Variants in TPP2 observed in about 807,000 individuals in gnomAD.
The protein encoded by TPP2 is tripeptidyl-peptidase 2.
TPP2 carries 34 observed loss-of-function variants against 155.9 expected under a neutral mutation model. The observed-to-expected ratio is 0.22, with a 90% CI of 0.17 to 0.29. TPP2 has a LOEUF of 0.29. Among genes scored for constraint, TPP2 ranks in the 10% least tolerant of loss-of-function variants. The pLI is 1.00. For missense variants in TPP2, 1,028 were observed against 1,522.3 expected, an observed-to-expected ratio of 0.68 and a Z score of 5.40; for synonymous variants, 510 against 529.4, an observed-to-expected ratio of 0.96 and a Z score of 0.50.
Position 102,652,446 on chromosome 13 carries a change from ATATATAT to A in TPP2, c.2991+1050_2991+1056del, listed in dbSNP as rs1566359238. ...TATATATATATATATATATATATAT[ATATATAT>A]AAAAGGGACCACATATTTAATAAGC... On this transcript the variant is annotated intron_variant, in intron 24 of 29. Transcript: ENST00000376052. Among the ~76,000 whole-genome samples, 460 of 51,330 alleles carry A rather than the reference ATATATAT, an allele frequency of 9.0e-3. 5 individuals carry two copies. Among genetic ancestry groups the A allele is most frequent in the Non-Finnish European group, 0.013 (369 of 27,724 alleles). The allele number at this position is 51,330 out of a possible 152,430, so 33.7% of individuals were successfully genotyped here.
chr13:102,638,278 C>T lies in TPP2; in HGVS notation c.1876C>T (p.Leu626Phe), dbSNP rs369225571. The change falls in exon 15 of 30, where the codon CTC becomes TTC. Residue 626 changes from leucine (L) to phenylalanine (F), a missense_variant. By Grantham distance (22) the Leu-to-Phe change is conservative. This residue lies in a region of TPP2 where 325 missense variants were observed against 463.7 expected (regional missense o/e 0.70). Transcript: ENST00000376052. ...TATAGCATCCCCTAACGCAGGTCCG[C>T]TCTTCAGAGTTCCGATCACTGCAGT... ...YDIASPNAGP[L>F]FRVPITAVIA... 6.8e-6 allele frequency: 11 copies of T among 1,612,912 alleles called. No homozygotes were observed. The African/African-American group carries it at 1.5e-4, about 22-fold the overall frequency.
chr13:102,623,178 G>C, intron 6 of TPP2, 138 bp downstream of exon 6: 1 of 940,906 alleles, frequency 1.1e-6, no homozygotes, highest in South Asian at 1.9e-5. Context: ...AATCATAAAG[G>C]TGATTTGATT....
intron 29 of TPP2, among the ~76,000 whole-genome samples, 167 bp from the exon 30 acceptor site, chr13:102,678,060 A>G (rs1885402057): frequency 1.3e-5 from 2 of 152,114 alleles, no homozygotes; most frequent in South Asian, 4.1e-4. Context: ...TAGTAAGAAA[A>G]GTTGGTTGGT....
At position 102,643,395 on chromosome 13, in the gene TPP2, T is replaced by C. The variant is rs796336443; in HGVS notation, c.2175+19T>C. The stretch of plus-strand genomic sequence containing the variant: ...TGTCCTAGTAAGTTTAATTATAGTT[T>C]ATAATCCTAACACAATTTATTTGCC... On this transcript the variant is annotated intron_variant, in intron 17 of 29. Transcript: ENST00000376052. 3.2e-6 allele frequency: 5 copies of C among 1,582,136 alleles called. No individual in the cohort carries two copies. The African/African-American group carries it at 5.5e-5, about 17-fold the overall frequency.
chr13:102,625,945 C>T lies in TPP2; in HGVS notation c.785-1067C>T, dbSNP rs556859154. ...TTTAAGAAACTTTTTCACTAAAAGG[C>T]TAGTTTTTTGTTTTAGTATTACTTT... On this transcript the variant is annotated intron_variant, in intron 6 of 29. Transcript: ENST00000376052. Among the ~76,000 whole-genome samples the T allele has an allele frequency of 8.5e-5, 13 of 152,274 alleles. No homozygotes were observed. The South Asian group carries it at 2.3e-3, about 27-fold the overall frequency.
intron 5 of TPP2, among the ~76,000 whole-genome samples, chr13:102,621,151 A>C (rs890792400): frequency 1.5e-4 from 23 of 152,124 alleles, no homozygotes; most frequent in Non-Finnish European, 2.6e-4. Context: ...GTAATAATTT[A>C]TGTTTTGATG....
chr13:102,612,407 A>G (rs1880391353), intron 2 of TPP2, among the ~76,000 whole-genome samples: 1 of 152,240 alleles, frequency 6.6e-6, no homozygotes, highest in Non-Finnish European at 1.5e-5. Context: ...TAAAAAGATT[A>G]CGTGTATCAT....
chr13:102,618,778 T>C lies in TPP2; in HGVS notation c.552T>C (p.Phe184=), dbSNP rs1000838395. 2 of 1,613,894 alleles carry C rather than the reference T, an allele frequency of 1.2e-6. No individual in the cohort carries two copies. The highest frequency in any genetic ancestry group is 2.2e-5 in the East Asian group (1 of 44,882). ...LQSQVELLNS[F]EKKYSDPGPV... ...GTCAAGTGGAATTGCTAAATTCTTT[T>C]GAGAAGAAATACAGCGATCCTGGCC... The change falls in exon 5 of 30, where the codon TTT becomes TTC. Residue 184 remains phenylalanine (F), a synonymous_variant. Transcript: ENST00000376052.
At chr13:102,600,399 C>G (rs1490309391) in intron 1 of TPP2, among the ~76,000 whole-genome samples, 2 of 152,076 alleles carry the variant, frequency 1.3e-5, no homozygotes, top group African/African-American at 2.4e-5. Flanking sequence ...GCCCCCTCCC[C>G]CCACCACCTC....
chr13:102,602,945 CGTT>C (rs992819336), intron 1 of TPP2, among the ~76,000 whole-genome samples: 1 of 148,146 alleles, frequency 6.8e-6, no homozygotes, highest in African/African-American at 2.5e-5. Context: ...TTTTTTCAGT[CGTT>C]GTGTCTCTGT....
At chr13:102,647,142 A>T (rs1595185562) in intron 20 of TPP2, 65 bp from the exon 21 acceptor site, 1 of 1,480,806 alleles carries the variant, frequency 6.8e-7, no homozygotes, top group Non-Finnish European at 9.0e-7. Context: ...CAATAACAAT[A>T]TTAAAAATTT....
chr13:102,622,085 A>T (rs1881209789), intron 5 of TPP2, among the ~76,000 whole-genome samples: 2 of 152,220 alleles, frequency 1.3e-5, no homozygotes, highest in African/African-American at 2.4e-5. Context: ...TAATTTGTTA[A>T]TGAAATATGC....
Position 102,646,260 on chromosome 13 carries a change from G to GAATCA in TPP2, c.2394-31_2394-27dup. 3.2e-6 allele frequency: 5 copies of GAATCA among 1,550,968 alleles called. No homozygotes were observed. In the Admixed American group the frequency reaches 7.5e-5, roughly 23 times the overall value. The stretch of plus-strand genomic sequence containing the variant: ...TATTTGTCTCATTCAATGAACTCTT[G>GAATCA]AATCAAACCAGTTATGTAGTTTCCT... On this transcript the variant is annotated intron_variant, in intron 19 of 29. Transcript: ENST00000376052.
chr13:102,651,452 A>G (rs896539846), intron 24 of TPP2, 55 bp downstream of exon 24: 2 of 1,537,178 alleles, frequency 1.3e-6, no homozygotes, highest in East Asian at 2.4e-5. Flanking sequence ...TGCATATTAA[A>G]CTTTTTTCTG....
chr13:102,649,285 T>C, intron 22 of TPP2, 123 bp from the exon 23 acceptor site: 1 of 1,452,496 alleles, frequency 6.9e-7, no homozygotes, highest in South Asian at 1.4e-5. Flanking sequence ...CTTCCTTTGA[T>C]TTTTGAAGTC....
chr13:102,667,922 T>A, intron 27 of TPP2: 2 of 651,388 alleles, frequency 3.1e-6, no homozygotes, highest in Non-Finnish European at 3.8e-6. Flanking sequence ...CTGCCAGCAC[T>A]AAGGGCCAAA....
intron 25 of TPP2, among the ~76,000 whole-genome samples, chr13:102,659,004 A>T (rs879191411): frequency 1.3e-5 from 2 of 152,218 alleles, no homozygotes; most frequent in Admixed American, 1.3e-4. Flanking sequence ...TCACTCAAAG[A>T]AAAACATGCC....
intron 10 of TPP2, 96 bp downstream of exon 10, chr13:102,630,291 TCTG>T (rs1296609143): frequency 4.0e-5 from 36 of 891,300 alleles, no homozygotes; most frequent in Non-Finnish European, 5.7e-5. Context: ...CTAGTTTTTT[TCTG>T]TTGGTTTTTA....
At chr13:102,638,212 T>C (rs759361549) in intron 14 of TPP2, 27 bp from the exon 15 acceptor site, 9 of 1,601,468 alleles carry the variant, frequency 5.6e-6, no homozygotes, top group Non-Finnish European at 7.7e-6. Context: ...TTTATGGATA[T>C]TGACACTTAC....
Sources: gnomAD v4.1 joint callset for allele counts (sites outside exome capture counted in the v4.1 genomes callset) on GRCh38, gnomAD v4.1.1 for gene constraint, gnomAD v4.1.1 regional missense constraint, MANE v1.5 for transcripts, NCBI Gene and HGNC (gene_info 2026-07-23, HGNC 2026-07-21) for gene names.